NSD2: variants seen among roughly 807,000 people sequenced by gnomAD.
The protein encoded by NSD2 is histone-lysine N-methyltransferase NSD2.
Under a neutral mutation model 139.0 loss-of-function variants are expected in NSD2, and 12 were observed. The observed-to-expected ratio is 0.09, with a 90% CI of 0.06 to 0.14. The LOEUF is 0.14. NSD2 is among the 10% of genes least tolerant of loss of function. The probability of loss-of-function intolerance (pLI) is 1.00; values close to 1 mark genes in which losing one functional copy is unlikely to be tolerated. For synonymous variants in NSD2, 669 were observed against 648.7 expected (o/e 1.03, Z -0.48); for missense variants, 1,155 against 1,745.0 (o/e 0.66, Z 6.02).
At chr4:1,904,401 T>C (rs1291169784) in intron 3 of NSD2, 23 bp downstream of exon 3, 1 of 1,587,580 alleles carries the variant, frequency 6.3e-7, no homozygotes, top group African/African-American at 1.4e-5. Context: ...TTGGGTTGTT[T>C]TTCCAACTTT....
chr4:1,966,647 ACT>A (rs774625684), intron 18 of NSD2, among the ~76,000 whole-genome samples: 1 of 148,718 alleles, frequency 6.7e-6, no homozygotes, highest in Non-Finnish European at 1.5e-5. Flanking sequence ...ACAGAGCAAG[ACT>A]CTGTCTCAAA....
At chr4:1,908,887 T>A (rs780380431) in intron 3 of NSD2, among the ~76,000 whole-genome samples, 4 of 150,924 alleles carry the variant, frequency 2.7e-5, no homozygotes, top group East Asian at 3.9e-4. Context: ...TCAGGTCATC[T>A]TCTTCCTGCC....
rs568967505 is a variant in NSD2, at chr4:1,939,492, G to A, written c.1757-162G>A. On this transcript the variant is annotated intron_variant, in intron 8 of 21. Transcript: ENST00000508803. ...TTCATTGTACAGTTTGTCTGCTTTT[G>A]TTTATGTTCAGATTTTTCCATGATA... The A allele has an allele frequency of 4.0e-5, 31 of 768,820 alleles. No individual in the cohort carries two copies. In the African/African-American group the frequency reaches 4.9e-4, roughly 12 times the overall value. The allele number at this position is 768,820 out of a possible 1,614,324, so 47.6% of individuals were successfully genotyped here. A position where few individuals can be genotyped will look rare whatever the true frequency, so the allele number is the denominator to read the frequency against.
chr4:1,942,297 A>G lies in NSD2; in HGVS notation c.1881+2519A>G, dbSNP rs1234012637. The G allele has an allele frequency of 6.2e-7, 1 of 1,609,372 alleles. No individual in the cohort carries two copies. Among genetic ancestry groups the G allele is most frequent in the Non-Finnish European group, 8.5e-7 (1 of 1,178,598 alleles). ...TTGTAACTTCATTTTTTATTCCTTT[A>G]GTAGAGCAAATTCTTATTTTTTTCG... On this transcript the variant is annotated intron_variant, in intron 9 of 21. Coordinates refer to ENST00000508803, the MANE Select transcript of NSD2 (RefSeq NM_001042424.3). The surrounding 1 kb of genome is among the most constrained non-coding windows in gnomAD (Gnocchi z 4.0).
intron 6 of NSD2, among the ~76,000 whole-genome samples, chr4:1,934,495 A>G (rs1038153536): frequency 1.5e-4 from 23 of 151,852 alleles, no homozygotes; most frequent in Admixed American, 1.4e-3. Context: ...CTCCATCTCA[A>G]AAATAAATAA....
At chr4:1,978,604 C>T (rs1315792111) in intron 21 of NSD2, 34 bp from the exon 22 acceptor site, 4 of 1,575,114 alleles carry the variant, frequency 2.5e-6, no homozygotes, top group South Asian at 1.2e-5. Context: ...GATTCCATCA[C>T]TTCTGTGTGC....
At chr4:1,935,080 C>T (rs772950890) in intron 6 of NSD2, 64 bp from the exon 7 acceptor site, 2 of 1,353,636 alleles carry the variant, frequency 1.5e-6, no homozygotes, top group Non-Finnish European at 2.1e-6. Context: ...TAGGTTCTCA[C>T]AGTGCTTCAA....
At position 1,901,064 on chromosome 4, in the gene NSD2, C is replaced by T; in HGVS notation, c.410C>T (p.Pro137Leu). Residue 137 changes from proline (P) to leucine (L), a missense_variant, in exon 2 of 22, where the codon CCT (proline) becomes CTT (leucine). By Grantham distance (98) the Pro-to-Leu change is moderately conservative (BLOSUM62 -3). Around this residue, in one of 8 missense-constraint regions of NSD2, gnomAD observed 246 missense variants for 262.8 expected, o/e 0.94. Transcript: ENST00000508803. Reference sequence around the variant, plus strand: ...ACCAAAACATACATGAATGGGAAGCCTCTCTTTGAATCTTCCATTTGTGGT... The same window carrying T: ...ACCAAAACATACATGAATGGGAAGCTTCTCTTTGAATCTTCCATTTGTGGT... ...KITKTYMNGK[P>L]LFESSICGDS... The T allele has an allele frequency of 1.9e-6, 3 of 1,614,182 alleles. No homozygotes were observed. Among genetic ancestry groups the T allele is most frequent in the Non-Finnish European group, 2.5e-6 (3 of 1,180,034 alleles).
intron 3 of NSD2, 94 bp from the exon 4 acceptor site, chr4:1,916,777 C>T: frequency 1.5e-6 from 2 of 1,290,650 alleles, no homozygotes; most frequent in South Asian, 3.0e-5. Flanking sequence ...GCTCAGACAA[C>T]ACCAAGGGAA....
chr4:1,963,872 C>T (rs186638445), intron 18 of NSD2, among the ~76,000 whole-genome samples: 2 of 152,140 alleles, frequency 1.3e-5, no homozygotes, highest in Non-Finnish European at 2.9e-5. Context: ...ATTAGCCGTG[C>T]CTGTGATTCC....
chr4:1,967,111 A>G (rs1292957481), intron 18 of NSD2, among the ~76,000 whole-genome samples: 1 of 152,256 alleles, frequency 6.6e-6, no homozygotes, highest in Non-Finnish European at 1.5e-5. Context: ...CTGCTTCTAC[A>G]GAAATAAAAA....
chr4:1,871,842 GGCGGCCT>G (rs1713796734), intron 1 of NSD2, among the ~76,000 whole-genome samples: 1 of 148,586 alleles, frequency 6.7e-6, no homozygotes, highest in Non-Finnish European at 1.5e-5. Flanking sequence ...GGGGAGGGGC[GGCGGCCT>G]GCGGGCGGCG....
rs751699153 is a variant in NSD2, at chr4:1,948,519, G to A, written c.1882-2553G>A. 1.8e-5 allele frequency: 19 copies of A among 1,064,268 alleles called. No homozygotes were observed. The African/African-American group carries it at 2.0e-4, about 11-fold the overall frequency. The allele number at this position is 1,064,268 out of a possible 1,614,324, so 65.9% of individuals were successfully genotyped here. A position where few individuals can be genotyped will look rare whatever the true frequency, so the allele number is the denominator to read the frequency against. The stretch of plus-strand genomic sequence containing the variant: ...GAGCCGAGAGCATTGGATCCTCCCC[G>A]ACTGTGGCTAGTTGTCTGTCCGGTG... On this transcript the variant is annotated intron_variant, in intron 9 of 21. Transcript: ENST00000508803. This position sits in a 1 kb window ranked among gnomAD's most constrained non-coding sequence, Gnocchi z 4.5.
At chr4:1,943,698 A>G (rs1041268949) in intron 9 of NSD2, 9 of 1,052,144 alleles carry the variant, frequency 8.6e-6, no homozygotes, top group East Asian at 5.4e-5. Context: ...AAGGACATGA[A>G]AAAGCTCAAG....
intron 11 of NSD2, 85 bp from the exon 12 acceptor site, chr4:1,953,239 T>C (rs766130939): frequency 6.2e-7 from 1 of 1,609,386 alleles, no homozygotes; most frequent in African/African-American, 1.3e-5. Flanking sequence ...TGAAGAGGAG[T>C]TGCTTGATTT....
chr4:1,938,412 C>CTTTGTTTT, intron 7 of NSD2, 39 bp from the exon 8 acceptor site: 3 of 635,562 alleles, frequency 4.7e-6, no homozygotes, highest in Non-Finnish European at 6.1e-6. Flanking sequence ...TTTTTTTTTT[C>CTTTGTTTT]TTTCTTTTTT....
intron 1 of NSD2, among the ~76,000 whole-genome samples, chr4:1,872,205 G>T (rs1713838115): frequency 6.6e-6 from 1 of 152,122 alleles, no homozygotes; most frequent in African/African-American, 2.4e-5. Context: ...GCGGGGGTGA[G>T]CCGGGTGTGG....
intron 9 of NSD2, chr4:1,946,504 C>G: frequency 1.1e-6 from 1 of 918,010 alleles, no homozygotes; most frequent in Non-Finnish European, 1.3e-6. Context: ...CTCCTGACCT[C>G]GTGATCCACC....
Position 1,981,146 on chromosome 4 carries a change from AT to A in NSD2, c.*2241del. On this transcript the variant is annotated 3_prime_UTR_variant, in exon 22 of 22. Coordinates refer to ENST00000508803, the MANE Select transcript of NSD2 (RefSeq NM_001042424.3). ...TTAATCGCTTTGATAATACTTCCAA[AT>A]TTTATGATTTTTCTGAAGGAAATAA... 4.3e-6 allele frequency: 1 copy of A among 233,300 alleles called. No individual in the cohort carries two copies. The highest frequency in any genetic ancestry group is 1.3e-3 in the Middle Eastern group (1 of 786). The allele number at this position is 233,300 out of a possible 1,614,324, so 14.5% of individuals were successfully genotyped here.
Sources: gnomAD v4.1 joint callset for allele counts (sites outside exome capture counted in the v4.1 genomes callset) on GRCh38, gnomAD v4.1.1 for gene constraint, gnomAD v4.1.1 regional missense constraint, Gnocchi (gnomAD v3.1) non-coding constraint, MANE v1.5 for transcripts, NCBI Gene and HGNC (gene_info 2026-07-23, HGNC 2026-07-21) for gene names.